The following HAPLN3 variants were observed in gnomAD, a reference collection of about 807,000 sequenced individuals.
HAPLN3 encodes extracellular link domain containing, 1.
A neutral mutation model predicts 28.1 loss-of-function variants in HAPLN3; 28 were observed. That is an observed-to-expected ratio of 1.00 (90% CI 0.74 to 1.37). The LOEUF is 1.37. Ranked by LOEUF, HAPLN3 falls within the 40% of genes most tolerant of loss-of-function variation. The pLI is 0.00. For synonymous variants in HAPLN3, 211 were observed against 213.1 expected, an observed-to-expected ratio of 0.99 and a Z score of 0.09; for missense variants, 513 against 504.6, an observed-to-expected ratio of 1.02 and a Z score of -0.16.
Position 88,887,281 on chromosome 15 carries a change from C to G in HAPLN3, c.18G>C (p.Leu6=), listed in dbSNP as rs750786288. The G allele has an allele frequency of 6.2e-7, 1 of 1,614,076 alleles. No individual in the cohort carries two copies. The highest frequency in any genetic ancestry group is 1.3e-5 in the African/African-American group (1 of 75,052). The change falls in exon 2 of 5, where the codon CTG becomes CTC. Residue 6 remains leucine, a synonymous_variant. Coordinates refer to ENST00000359595, the MANE Select transcript of HAPLN3 (RefSeq NM_178232.4). ...AGCCGGGCAGCAGGAGCAACGGGAC[C>G]AGGAGCAACAGGCCCATCTCCTCAT... MGLLL[L]VPLLLLPGSY...
rs1419242538 is a variant in HAPLN3, at chr15:88,877,948, C to T, written c.*22G>A. ...TAAATACACAGCCAGTGAGGGAATGCGGCAGGGGAGGGCCCCAGGTCCTAG... is the reference window on the plus strand; with the variant it reads ...TAAATACACAGCCAGTGAGGGAATGTGGCAGGGGAGGGCCCCAGGTCCTAG... On this transcript the variant is annotated 3_prime_UTR_variant, in exon 5 of 5. Transcript: ENST00000359595. The surrounding 1 kb of genome is among the most constrained non-coding windows in gnomAD (Gnocchi z 5.1). The T allele has an allele frequency of 1.4e-5, 22 of 1,565,156 alleles. No homozygotes were observed. Among genetic ancestry groups the T allele is most frequent in the Admixed American group, 5.6e-5 (3 of 53,752 alleles).
At chr15:88,894,088 T>C (rs538217466) in intron 1 of HAPLN3, among the ~76,000 whole-genome samples, 1 of 152,100 alleles carries the variant, frequency 6.6e-6, no homozygotes, top group South Asian at 2.1e-4. Flanking sequence ...CTGTTACTAC[T>C]CTGGTGAGCA....
At chr15:88,890,284 C>T (rs994669871) in intron 1 of HAPLN3, among the ~76,000 whole-genome samples, 1 of 152,208 alleles carries the variant, frequency 6.6e-6, no homozygotes, top group African/African-American at 2.4e-5. Context: ...ACACTACCAA[C>T]TCTGAAACCC....
chr15:88,880,701 C>T lies in HAPLN3; in HGVS notation c.493+656G>A. 1.3e-6 allele frequency: 1 copy of T among 749,506 alleles called. No individual in the cohort carries two copies. Among genetic ancestry groups the T allele is most frequent in the Non-Finnish European group, 1.8e-6 (1 of 549,790 alleles). The allele number at this position is 749,506 out of a possible 1,614,324, so 46.4% of individuals were successfully genotyped here. A position where few individuals can be genotyped will look rare whatever the true frequency, so the allele number is the denominator to read the frequency against. ...TGCAGGGTGTGGCTGGTTTGGACAG[C>T]ACTGGGTTTTTGTTTTTGGTTTTGG... On this transcript the variant is annotated intron_variant, in intron 3 of 4. Transcript: ENST00000359595. The surrounding 1 kb of genome is among the most constrained non-coding windows in gnomAD (Gnocchi z 6.0).
chr15:88,895,364 G>C lies in HAPLN3; in HGVS notation c.-48+95C>G, dbSNP rs889130623. 6.6e-6 allele frequency: 1 copy of C among 152,476 alleles called. No individual in the cohort carries two copies. The highest frequency in any genetic ancestry group is 2.4e-5 in the African/African-American group (1 of 41,458). 9.4% of individuals were successfully genotyped at this position (152,476 alleles called of 1,614,324 possible). A position where few individuals can be genotyped will look rare whatever the true frequency, so the allele number is the denominator to read the frequency against. ...CCTGCCCCTTCCCCGGACCCTGCCC[G>C]GGAGGTGTGGGGACCCGCAGGGCAC... On this transcript the variant is annotated intron_variant, in intron 1 of 4. Coordinates refer to ENST00000359595, the MANE Select transcript of HAPLN3 (RefSeq NM_178232.4). The surrounding 1 kb of genome is among the most constrained non-coding windows in gnomAD (Gnocchi z 5.5).
rs1248040387 is a variant in HAPLN3 at position 88,878,030 on chromosome 15, G to T, written c.1023C>A (p.Ser341Arg). 6.2e-7 allele frequency: 1 copy of T among 1,613,900 alleles called. No individual in the cohort carries two copies. Among genetic ancestry groups the T allele is most frequent in the Non-Finnish European group, 8.5e-7 (1 of 1,180,006 alleles). Residue 341 changes from serine (S) to arginine (R), a missense_variant, in exon 5 of 5, where the codon AGC becomes AGA. Physicochemically the swap from Ser to Arg is moderately radical, Grantham distance 110. Coordinates refer to ENST00000359595, the MANE Select transcript of HAPLN3 (RefSeq NM_178232.4). ...NCGPPEPGVR[S>R]FGFPDPQSRL... is the part of the protein sequence containing the mutation. Reference sequence around the variant, plus strand: ...GGCTCTGCGGGTCGGGGAAGCCAAAGCTTCGGACCCCAGGCTCTGGGGGCC... The same window carrying T: ...GGCTCTGCGGGTCGGGGAAGCCAAATCTTCGGACCCCAGGCTCTGGGGGCC...
At position 88,880,749 on chromosome 15, in the gene HAPLN3, GT is replaced by G; in HGVS notation, c.493+607del. The G allele has an allele frequency of 9.5e-6, 3 of 315,236 alleles. 1 individual carries two copies. The Middle Eastern group carries it at 1.3e-3, about 139-fold the overall frequency. 19.5% of individuals were successfully genotyped at this position (315,236 alleles called of 1,614,324 possible). A position where few individuals can be genotyped will look rare whatever the true frequency, so the allele number is the denominator to read the frequency against. ...TGGGGGGGCTTTTTGTTTGTTTTTT[GT>G]TTTGTTTTGTTTTTAAAAAGGAGGT... is the stretch of plus-strand genomic sequence containing the variant. On this transcript the variant is annotated intron_variant, in intron 3 of 4. Transcript: ENST00000359595. This position sits in a 1 kb window ranked among gnomAD's most constrained non-coding sequence, Gnocchi z 6.0.
chr15:88,894,245 A>G (rs1198607189), intron 1 of HAPLN3, among the ~76,000 whole-genome samples: 1 of 152,186 alleles, frequency 6.6e-6, no homozygotes, highest in Non-Finnish European at 1.5e-5. Flanking sequence ...CCAAGGCGTT[A>G]TCTTTGTCAA....
rs1484720910 is a variant in HAPLN3, at chr15:88,878,257, CT to C, written c.797-2del. 1 of 1,609,374 alleles carries C rather than the reference CT, an allele frequency of 6.2e-7. No homozygotes were observed. Among genetic ancestry groups the C allele is most frequent in the Non-Finnish European group, 8.5e-7 (1 of 1,177,094 alleles). On this transcript the variant is annotated splice_acceptor_variant, in intron 4 of 4. Coordinates refer to ENST00000359595, the MANE Select transcript of HAPLN3 (RefSeq NM_178232.4). LOFTEE classifies it high-confidence loss of function. The stretch of plus-strand genomic sequence containing the variant: ...GGGTGCTCCAGGTAGTACACCCGCC[CT>C]GGGGGAAAGGGGGCGTGAGTGCCGT...
intron 1 of HAPLN3, chr15:88,893,243 C>G: frequency 1.6e-6 from 1 of 607,378 alleles, no homozygotes; most frequent in South Asian, 1.9e-5. Context: ...ACAGTGAAAC[C>G]CCCATCTCTA....
chr15:88,884,082 AAAAAG>A (rs1160975962), intron 2 of HAPLN3, among the ~76,000 whole-genome samples: 1 of 152,092 alleles, frequency 6.6e-6, no homozygotes, highest in Non-Finnish European at 1.5e-5. Context: ...CAAAAAAAAA[AAAAAG>A]AAAAGGCTAG....
rs564918467 is a variant in HAPLN3 at position 88,879,351 on chromosome 15, G to A, written c.494-82C>T. The stretch of plus-strand genomic sequence containing the variant: ...ACCCCGCTCTCCTCCCACCTTCACT[G>A]GGACATGTGCTGCCTGCAACACACA... On this transcript the variant is annotated intron_variant, in intron 3 of 4. Transcript: ENST00000359595. The surrounding 1 kb of genome is among the most constrained non-coding windows in gnomAD (Gnocchi z 5.0). The A allele has an allele frequency of 6.3e-7, 1 of 1,588,696 alleles. No homozygotes were observed. Among genetic ancestry groups the A allele is most frequent in the South Asian group, 1.1e-5 (1 of 89,566 alleles).
At position 88,880,702 on chromosome 15, in the gene HAPLN3, A is replaced by G; in HGVS notation, c.493+655T>C. 1 of 738,418 alleles carries G rather than the reference A, an allele frequency of 1.4e-6. No homozygotes were observed. The highest frequency in any genetic ancestry group is 1.9e-6 in the Non-Finnish European group (1 of 539,816). 45.7% of individuals were successfully genotyped at this position (738,418 alleles called of 1,614,324 possible). A position where few individuals can be genotyped will look rare whatever the true frequency, so the allele number is the denominator to read the frequency against. On this transcript the variant is annotated intron_variant, in intron 3 of 4. Coordinates refer to ENST00000359595, the MANE Select transcript of HAPLN3 (RefSeq NM_178232.4). The surrounding 1 kb of genome is among the most constrained non-coding windows in gnomAD (Gnocchi z 6.0). ...GCAGGGTGTGGCTGGTTTGGACAGC[A>G]CTGGGTTTTTGTTTTTGGTTTTGGG... is the stretch of plus-strand genomic sequence containing the variant.
In HAPLN3 at chr15:88,880,129, G is replaced by C; in HGVS notation, c.494-860C>G. 2 of 992,206 alleles carry C rather than the reference G, an allele frequency of 2.0e-6. No individual in the cohort carries two copies. Among genetic ancestry groups the C allele is most frequent in the Non-Finnish European group, 2.4e-6 (2 of 834,368 alleles). The allele number at this position is 992,206 out of a possible 1,614,324, so 61.5% of individuals were successfully genotyped here. A position where few individuals can be genotyped will look rare whatever the true frequency, so the allele number is the denominator to read the frequency against. On this transcript the variant is annotated intron_variant, in intron 3 of 4. Transcript: ENST00000359595. This position sits in a 1 kb window ranked among gnomAD's most constrained non-coding sequence, Gnocchi z 6.0. ...GCAGAGAAGCCCATGGGCCCTGACAGTCAGCTTGCAGCCTCTACGTGTGTT... is the reference window on the plus strand; with the variant it reads ...GCAGAGAAGCCCATGGGCCCTGACACTCAGCTTGCAGCCTCTACGTGTGTT...
chr15:88,894,534 C>T (rs1278169264), intron 1 of HAPLN3, among the ~76,000 whole-genome samples: 3 of 152,196 alleles, frequency 2.0e-5, no homozygotes, highest in African/African-American at 7.2e-5. Flanking sequence ...AAGGCTTGAT[C>T]TCCGCCTTTG....
rs187158188 is a variant in HAPLN3 at position 88,879,632 on chromosome 15, G to A, written c.494-363C>T. The A allele has an allele frequency of 1.6e-6, 2 of 1,252,382 alleles. No individual in the cohort carries two copies. The highest frequency in any genetic ancestry group is 2.0e-6 in the Non-Finnish European group (2 of 978,248). The allele number at this position is 1,252,382 out of a possible 1,614,324, so 77.6% of individuals were successfully genotyped here. ...CTCTAGGGGCCAGGTTTGACTCCCA[G>A]CTCCCCACTCGTTAGCTGGGACCCG... is the stretch of plus-strand genomic sequence containing the variant. On this transcript the variant is annotated intron_variant, in intron 3 of 4. Coordinates refer to ENST00000359595, the MANE Select transcript of HAPLN3 (RefSeq NM_178232.4). This position sits in a 1 kb window ranked among gnomAD's most constrained non-coding sequence, Gnocchi z 5.0.
intron 1 of HAPLN3, 72 bp from the exon 2 acceptor site, chr15:88,887,417 A>T: frequency 7.4e-7 from 1 of 1,355,140 alleles, no homozygotes. Context: ...CTGCTCCAAC[A>T]CCACTCACTC....
chr15:88,887,321 G>T lies in HAPLN3; in HGVS notation c.-23C>A. 1.2e-6 allele frequency: 2 copies of T among 1,613,534 alleles called. No individual in the cohort carries two copies. Among genetic ancestry groups the T allele is most frequent in the South Asian group, 1.1e-5 (1 of 91,038 alleles). On this transcript the variant is annotated 5_prime_UTR_variant, in exon 2 of 5. Coordinates refer to ENST00000359595, the MANE Select transcript of HAPLN3 (RefSeq NM_178232.4). The stretch of plus-strand genomic sequence containing the variant: ...CATCTCCTCATGCCAGGGTGACCCG[G>T]GCCAGGCTGGGGCCCCAGGGCAAAC...
intron 2 of HAPLN3, among the ~76,000 whole-genome samples, chr15:88,882,742 G>C (rs1325519574): frequency 6.6e-6 from 1 of 152,216 alleles, no homozygotes; most frequent in East Asian, 1.9e-4. Context: ...GGTGGTTCAC[G>C]CTTATAATCC....
Sources: gnomAD v4.1 joint callset for allele counts (sites outside exome capture counted in the v4.1 genomes callset) on GRCh38, gnomAD v4.1.1 for gene constraint, Gnocchi (gnomAD v3.1) non-coding constraint, MANE v1.5 for transcripts, NCBI Gene and HGNC (gene_info 2026-07-23, HGNC 2026-07-21) for gene names.